Variants in ARL13B observed in about 807,000 individuals in gnomAD.
ARL13B encodes the protein ADP-ribosylation factor-like protein 13B.
In ARL13B, 36 loss-of-function variants were observed where a neutral mutation model predicts 56.1. The ratio of observed to expected loss-of-function variants is 0.64; its 90% CI spans 0.49 to 0.85. The LOEUF (loss-of-function observed/expected upper bound fraction) is 0.85. Among genes scored for constraint, ARL13B ranks in the 40% least tolerant of loss-of-function variants. The pLI is 0.00. For synonymous variants in ARL13B, 178 were observed against 171.1 expected, an observed-to-expected ratio of 1.04 and a Z score of -0.32; for missense variants, 519 against 507.1, an observed-to-expected ratio of 1.02 and a Z score of -0.23.
chr3:94,053,879 C>A lies in ARL13B; in HGVS notation c.*616C>A. ...TGGCTTGAGGTATGTTTTGTAATAG[C>A]GTTGTTCTTTAAGTGTACATCGTAA... On this transcript the variant is annotated 3_prime_UTR_variant, in exon 10 of 10. Coordinates refer to ENST00000394222, the MANE Select transcript of ARL13B (RefSeq NM_001174150.2). The A allele has an allele frequency of 3.2e-6, 1 of 310,958 alleles. No individual in the cohort carries two copies. The highest frequency in any genetic ancestry group is 6.3e-6 in the Non-Finnish European group (1 of 159,250). The allele number at this position is 310,958 out of a possible 1,614,324, so 19.3% of individuals were successfully genotyped here.
intron 7 of ARL13B, among the ~76,000 whole-genome samples, chr3:94,047,461 A>C (rs1274466583): frequency 1.3e-5 from 2 of 152,208 alleles, no homozygotes; most frequent in African/African-American, 4.8e-5. Flanking sequence ...AAAATATAGC[A>C]CAGGGAGATC....
chr3:94,054,734 A>G lies in ARL13B; in HGVS notation c.*1471A>G, dbSNP rs1473879264. On this transcript the variant is annotated 3_prime_UTR_variant, in exon 10 of 10. Coordinates refer to ENST00000394222, the MANE Select transcript of ARL13B (RefSeq NM_001174150.2). ...TCACCTGTACTCTAGTCAGCACTGT[A>G]TATATTCTTGGAGTTTGTACATGGG... 2.4e-6 allele frequency: 1 copy of G among 423,556 alleles called. No individual in the cohort carries two copies. Among genetic ancestry groups the G allele is most frequent in the Non-Finnish European group, 4.7e-6 (1 of 212,502 alleles). 26.2% of individuals were successfully genotyped at this position (423,556 alleles called of 1,614,324 possible).
At chr3:93,991,607 G>T (rs776508932) in intron 1 of ARL13B, among the ~76,000 whole-genome samples, 2 of 152,218 alleles carry the variant, frequency 1.3e-5, no homozygotes, top group Non-Finnish European at 2.9e-5. Context: ...TTGGGCTTAA[G>T]TGATCCTCCT....
At chr3:94,000,142 T>C (rs1559974278) in intron 2 of ARL13B, among the ~76,000 whole-genome samples, 1 of 152,206 alleles carries the variant, frequency 6.6e-6, no homozygotes, top group Non-Finnish European at 1.5e-5. Flanking sequence ...TTGGCTCATA[T>C]CAACTAGTGA....
At chr3:94,019,231 C>G (rs2076397576) in intron 3 of ARL13B, among the ~76,000 whole-genome samples, 1 of 152,032 alleles carries the variant, frequency 6.6e-6, no homozygotes, top group Non-Finnish European at 1.5e-5. Context: ...GAGTCTCCCT[C>G]TGTTGCCTAG....
intron 1 of ARL13B, among the ~76,000 whole-genome samples, chr3:93,980,976 A>C (rs1710187606): frequency 6.6e-6 from 1 of 152,198 alleles, no homozygotes; most frequent in Non-Finnish European, 1.5e-5. Context: ...CACCTTTCTT[A>C]AATATTAAAT....
At chr3:94,028,716 G>C (rs1212842599) in intron 3 of ARL13B, 1 of 152,170 alleles carries the variant, frequency 6.6e-6, no homozygotes, top group Non-Finnish European at 1.5e-5. Context: ...AACTGCCTAC[G>C]TAGAGTATTT....
intron 3 of ARL13B, among the ~76,000 whole-genome samples, chr3:94,009,077 ATAGAT>A (rs2076180133): frequency 8.2e-6 from 1 of 121,502 alleles, no homozygotes; most frequent in Non-Finnish European, 1.9e-5. Context: ...AGCAGTAAAG[ATAGAT>A]AGATAGATAG....
intron 3 of ARL13B, among the ~76,000 whole-genome samples, chr3:94,013,514 A>G (rs1472296770): frequency 6.6e-6 from 1 of 152,236 alleles, no homozygotes; most frequent in African/African-American, 2.4e-5. Flanking sequence ...ACCCAAGTTC[A>G]AGAAAGCAAT....
At chr3:94,009,492 T>A (rs1317376242) in intron 3 of ARL13B, among the ~76,000 whole-genome samples, 2 of 152,044 alleles carry the variant, frequency 1.3e-5, no homozygotes, top group Non-Finnish European at 2.9e-5. Context: ...TTATCAGAAA[T>A]TGAATCAAAC....
rs2076302123 is a variant in ARL13B at position 94,015,082 on chromosome 3, T to C, written c.380+11174T>C. 22 of 1,613,862 alleles carry C rather than the reference T, an allele frequency of 1.4e-5. No individual in the cohort carries two copies. In the East Asian group the frequency reaches 4.7e-4, roughly 34 times the overall value. On this transcript the variant is annotated intron_variant, in intron 3 of 9. Transcript: ENST00000394222. ...AAATTTTTGAACATTATCTGCCAAATTGTTAATACTTTCCTGTAGTTTTTG... is the reference window on the plus strand; with the variant it reads ...AAATTTTTGAACATTATCTGCCAAACTGTTAATACTTTCCTGTAGTTTTTG...
chr3:94,029,323 TATATATATA>T (rs2076621886), intron 3 of ARL13B, among the ~76,000 whole-genome samples: 2 of 101,444 alleles, frequency 2.0e-5, no homozygotes, highest in African/African-American at 9.7e-5. Flanking sequence ...TATATATATA[TATATATATA>T]TATTTATTTT....
chr3:94,047,477 T>C (rs1256451915), intron 7 of ARL13B, among the ~76,000 whole-genome samples: 2 of 152,170 alleles, frequency 1.3e-5, no homozygotes, highest in Non-Finnish European at 2.9e-5. Context: ...AGATCTCAGG[T>C]AGTAAATCAT....
At chr3:94,012,108 CTTCT>C (rs1230009302) in intron 3 of ARL13B, among the ~76,000 whole-genome samples, 5 of 152,054 alleles carry the variant, frequency 3.3e-5, no homozygotes, top group Admixed American at 1.3e-4. Context: ...AACTCCTCTT[CTTCT>C]TTGAGTCTAA....
chr3:94,012,000 A>C (rs1208036141), intron 3 of ARL13B, among the ~76,000 whole-genome samples: 1 of 152,074 alleles, frequency 6.6e-6, no homozygotes, highest in Non-Finnish European at 1.5e-5. Flanking sequence ...TATTTTACCT[A>C]AAGTTGACTG....
At chr3:94,008,424 T>C (rs186788140) in intron 3 of ARL13B, among the ~76,000 whole-genome samples, 24 of 152,250 alleles carry the variant, frequency 1.6e-4, no homozygotes, top group Admixed American at 1.2e-3. Flanking sequence ...AGAGAAAAAG[T>C]AAACAGGTTT....
chr3:94,034,467 C>T lies in ARL13B; in HGVS notation c.381-864C>T, dbSNP rs565866022. On this transcript the variant is annotated intron_variant, in intron 3 of 9. Coordinates refer to ENST00000394222, the MANE Select transcript of ARL13B (RefSeq NM_001174150.2). ...TTTTTCTGTAGAATATATTGGTTTT[C>T]CATTTTGTTGGTGTCCAGTTTGTCT... Among the ~76,000 whole-genome samples, 114 of 150,622 alleles carry T rather than the reference C, an allele frequency of 7.6e-4. 1 individual carries two copies. Among genetic ancestry groups the T allele is most frequent in the African/African-American group, 2.7e-3 (112 of 41,020 alleles).
At chr3:93,983,322 G>C (rs144146581) in intron 1 of ARL13B, among the ~76,000 whole-genome samples, 1 of 152,068 alleles carries the variant, frequency 6.6e-6, no homozygotes, top group African/African-American at 2.4e-5. Flanking sequence ...AAAGTTTAAC[G>C]CTTCATCCCC....
chr3:94,011,499 T>A (rs922229174), intron 3 of ARL13B, among the ~76,000 whole-genome samples: 22 of 152,164 alleles, frequency 1.4e-4, no homozygotes, highest in African/African-American at 4.1e-4. Flanking sequence ...ATAGAAACCA[T>A]CGCACAAGAG....
Sources: allele counts gnomAD v4.1 joint callset (sites outside exome capture counted in the v4.1 genomes callset), GRCh38; gene constraint gnomAD v4.1.1; transcripts MANE v1.5; gene names NCBI Gene and HGNC (gene_info 2026-07-23, HGNC 2026-07-21).